RPL28: variants seen among roughly 807,000 people sequenced by gnomAD.
The protein encoded by RPL28 is ribosomal protein L28, also known as large ribosomal subunit protein eL28.
Under a neutral mutation model 12.5 loss-of-function variants are expected in RPL28, and 4 were observed. The observed-to-expected ratio is 0.32, with a 90% confidence interval of 0.16 to 0.73. RPL28 has a LOEUF of 0.73. Among genes scored for constraint, RPL28 ranks in the 30% least tolerant of loss-of-function variants. The probability of loss-of-function intolerance (pLI) is 0.66; values close to 1 mark genes in which losing one functional copy is unlikely to be tolerated. For synonymous variants in RPL28, 91 were observed against 72.5 expected, an observed-to-expected ratio of 1.26 and a Z score of -1.30; for missense variants, 214 against 197.7, an observed-to-expected ratio of 1.08 and a Z score of -0.49.
At chr19:55,386,834 C>T (rs940057601) in intron 3 of RPL28, 141 bp downstream of exon 3, 1 of 1,576,004 alleles carries the variant, frequency 6.3e-7, no homozygotes, top group Admixed American at 1.9e-5. Context: ...TGGGTACCGG[C>T]TTCCCTCTCG....
intron 4 of RPL28, chr19:55,401,554 G>A (rs1373745648): frequency 1.9e-6 from 3 of 1,610,382 alleles, no homozygotes; most frequent in Non-Finnish European, 2.5e-6. Flanking sequence ...GCCCCCTGGG[G>A]CCCCAGGGTC....
At chr19:55,396,705 C>T (rs1205925157), downstream of RPL28, among the ~76,000 whole-genome samples, 13 of 146,518 alleles carry the variant, frequency 8.9e-5, no homozygotes, top group African/African-American at 1.8e-4. Context: ...CTCAGCCTCC[C>T]GAGTAACTGG....
At chr19:55,401,599 C>G (rs534399153) in intron 4 of RPL28, 13 of 1,606,256 alleles carry the variant, frequency 8.1e-6, no homozygotes, top group South Asian at 6.6e-5. Context: ...GGCCAGGGCC[C>G]GACCGGCTTC....
chr19:55,387,810 G>C (rs11541583), intron 3 of RPL28, 120 bp from the exon 4 acceptor site: 75,094 of 1,468,954 alleles, frequency 0.051, 2,116 homozygotes, highest in Middle Eastern at 0.06. Flanking sequence ...GGCCTGCCCA[G>C]GCACCCGCCA....
downstream of RPL28, among the ~76,000 whole-genome samples, chr19:55,395,037 C>G (rs992808131): frequency 1.3e-5 from 2 of 152,148 alleles, no homozygotes; most frequent in Non-Finnish European, 2.9e-5. Flanking sequence ...TCGAATGCCT[C>G]TGGATAGTCA....
downstream of RPL28, among the ~76,000 whole-genome samples, chr19:55,395,507 C>A (rs147687915): frequency 2.7e-5 from 4 of 149,112 alleles, no homozygotes; most frequent in Non-Finnish European, 4.4e-5. Context: ...GCAGTGGCGC[C>A]ATCTCGGCTC....
chr19:55,388,184 C>T (rs186578482), intron 4 of RPL28, 59 bp from the exon 5 acceptor site: 14 of 1,519,418 alleles, frequency 9.2e-6, no homozygotes, highest in Admixed American at 2.2e-5. Flanking sequence ...CCAGCATTGG[C>T]CTAGGGGGCG....
Position 55,391,339 on chromosome 19 carries a change from T to C in RPL28, c.*3007T>C. 9.5e-7 allele frequency: 1 copy of C among 1,054,964 alleles called. No homozygotes were observed. The highest frequency in any genetic ancestry group is 1.2e-6 in the Non-Finnish European group (1 of 826,634). 65.4% of individuals were successfully genotyped at this position (1,054,964 alleles called of 1,614,324 possible). ...GCACCGTGCCTCAGTTTCCCATATG[T>C]AAAAGGCCATTTTGAGTGCCTTTCA... On this transcript the variant is annotated 3_prime_UTR_variant, in exon 5 of 5. Transcript: ENST00000344063.
chr19:55,386,177 A>C (rs948467346), intron 1 of RPL28, 173 bp from the exon 2 acceptor site: 2 of 615,496 alleles, frequency 3.2e-6, no homozygotes, highest in African/African-American at 3.7e-5. Flanking sequence ...CCGCCGCCTT[A>C]GGTCACTCAG....
chr19:55,395,656 G>T (rs553834482), downstream of RPL28, among the ~76,000 whole-genome samples: 2 of 151,054 alleles, frequency 1.3e-5, no homozygotes, highest in Non-Finnish European at 3.0e-5. Context: ...TGTTAGCCAG[G>T]ATGGTCTCAA....
At chr19:55,392,248 C>G (rs1221491276), downstream of RPL28, 5 of 434,306 alleles carry the variant, frequency 1.2e-5, no homozygotes, top group Non-Finnish European at 1.5e-5. Context: ...TTTTGTTTGT[C>G]TAAGAGACGG....
chr19:55,398,767 T>C (rs1273426145), intron 4 of RPL28, among the ~76,000 whole-genome samples: 1 of 152,070 alleles, frequency 6.6e-6, no homozygotes, highest in Non-Finnish European at 1.5e-5. Flanking sequence ...GGTGGTGCAA[T>C]CTCGGCTCAC....
chr19:55,391,986 T>A lies in RPL28; in HGVS notation c.*3654T>A. On this transcript the variant is annotated 3_prime_UTR_variant, in exon 5 of 5. Coordinates refer to ENST00000344063, the MANE Select transcript of RPL28 (RefSeq NM_000991.5). The stretch of plus-strand genomic sequence containing the variant: ...TTGTGAATATCATTCTGTCCTCAGC[T>A]GCATTTCCAGCCCAGGCTGTTTGGC... The A allele has an allele frequency of 8.7e-7, 1 of 1,150,596 alleles. No individual in the cohort carries two copies. The highest frequency in any genetic ancestry group is 3.5e-5 in the South Asian group (1 of 28,642). 71.3% of individuals were successfully genotyped at this position (1,150,596 alleles called of 1,614,324 possible).
At chr19:55,402,322 A>G (rs1845133875) in intron 4 of RPL28, among the ~76,000 whole-genome samples, 1 of 152,228 alleles carries the variant, frequency 6.6e-6, no homozygotes, top group African/African-American at 2.4e-5. Context: ...TCCGAAGTTC[A>G]CAGCCTAAGA....
rs758601996 is a variant in RPL28 at position 55,386,385 on chromosome 19, G to A, written c.28G>A (p.Val10Met). 13 of 1,614,118 alleles carry A rather than the reference G, an allele frequency of 8.1e-6. No homozygotes were observed. The highest frequency in any genetic ancestry group is 1.1e-5 in the Non-Finnish European group (13 of 1,180,018). Residue 10 changes from valine to methionine, a missense_variant, in exon 2 of 5, where the codon GTG (valine) becomes ATG (methionine). By Grantham distance (21) the Val-to-Met change is conservative (BLOSUM62 1). Transcript: ENST00000344063. MSAHLQWMV[V>M]RNCSSFLIKR... is the part of the protein sequence containing the mutation. ...GTCTGCGCATCTGCAATGGATGGTC[G>A]TGCGGAACTGCTCCAGTTTCCTGAT...
intron 4 of RPL28, chr19:55,400,082 G>A (rs1001662719): frequency 1.1e-4 from 16 of 152,188 alleles, no homozygotes; most frequent in African/African-American, 3.6e-4. Flanking sequence ...AGGCTGAGCC[G>A]TTTCAACCTC....
At position 55,388,727 on chromosome 19, in the gene RPL28, G is replaced by A. The variant is rs1026213101; in HGVS notation, c.*395G>A. ...GCCCTGGGCCCTGGTGCTGTAGCAC[G>A]GTTTGGGGACTTGGGGTGTTCCCAA... On this transcript the variant is annotated 3_prime_UTR_variant, in exon 5 of 5. Transcript: ENST00000344063. 11 of 1,027,952 alleles carry A rather than the reference G, an allele frequency of 1.1e-5. No homozygotes were observed. The highest frequency in any genetic ancestry group is 5.7e-5 in the Admixed American group (1 of 17,480). The allele number at this position is 1,027,952 out of a possible 1,614,324, so 63.7% of individuals were successfully genotyped here. A position where few individuals can be genotyped will look rare whatever the true frequency, so the allele number is the denominator to read the frequency against.
rs572796970 is a variant in RPL28, at chr19:55,389,267, A to T, written c.*935A>T. On this transcript the variant is annotated 3_prime_UTR_variant, in exon 5 of 5. Coordinates refer to ENST00000344063, the MANE Select transcript of RPL28 (RefSeq NM_000991.5). ...CAGAGGTTGAGTAGAGGCTGAGGTG[A>T]GCGGAGCACTTGAGCCAAGAGTATG... 7 of 919,522 alleles carry T rather than the reference A, an allele frequency of 7.6e-6. No homozygotes were observed. In the South Asian group the frequency reaches 3.5e-4, roughly 46 times the overall value. The allele number at this position is 919,522 out of a possible 1,614,324, so 57.0% of individuals were successfully genotyped here. A position where few individuals can be genotyped will look rare whatever the true frequency, so the allele number is the denominator to read the frequency against.
rs796932288 is a variant in RPL28 at position 55,389,588 on chromosome 19, C to A, written c.*1256C>A. 2 of 985,478 alleles carry A rather than the reference C, an allele frequency of 2.0e-6. No homozygotes were observed. Among genetic ancestry groups the A allele is most frequent in the Non-Finnish European group, 2.4e-6 (2 of 829,970 alleles). The allele number at this position is 985,478 out of a possible 1,614,324, so 61.0% of individuals were successfully genotyped here. A position where few individuals can be genotyped will look rare whatever the true frequency, so the allele number is the denominator to read the frequency against. The stretch of plus-strand genomic sequence containing the variant: ...GCCTCGACTTGCCATTGGTTGGGGT[C>A]GTACGGGGCTGGGAGCCCTGCGTTT... On this transcript the variant is annotated 3_prime_UTR_variant, in exon 5 of 5. Transcript: ENST00000344063.
Sources: allele counts gnomAD v4.1 joint callset (sites outside exome capture counted in the v4.1 genomes callset), GRCh38; gene constraint gnomAD v4.1.1; transcripts MANE v1.5; gene names NCBI Gene and HGNC (gene_info 2026-07-23, HGNC 2026-07-21).